Variants in RNF10 observed in about 807,000 individuals in gnomAD.
The protein encoded by RNF10 is E3 ubiquitin-protein ligase RNF10.
A neutral mutation model predicts 91.4 loss-of-function variants in RNF10; 38 were observed. The ratio of observed to expected loss-of-function variants is 0.42; its 90% CI spans 0.32 to 0.54. RNF10 has a LOEUF of 0.54. Ranked by LOEUF, RNF10 falls within the 20% of genes least tolerant of loss-of-function variation. The pLI, the probability that RNF10 is intolerant of heterozygous loss-of-function variation, is 0.16. For synonymous variants in RNF10, 364 were observed against 366.3 expected, an observed-to-expected ratio of 0.99 and a Z score of 0.07; for missense variants, 945 against 1,012.0, an observed-to-expected ratio of 0.93 and a Z score of 0.90.
At chr12:120,574,754 C>T (rs887543491) in intron 14 of RNF10, 5 of 277,226 alleles carry the variant, frequency 1.8e-5, no homozygotes, top group African/African-American at 6.8e-5. Flanking sequence ...GGAGAAACCC[C>T]GTCTTTACTA....
At chr12:120,543,205 T>G (rs1285258831) in intron 1 of RNF10, among the ~76,000 whole-genome samples, 1 of 152,178 alleles carries the variant, frequency 6.6e-6, no homozygotes, top group African/African-American at 2.4e-5. Context: ...TTAAAAAAAA[T>G]TACTCAGATA....
chr12:120,571,487 T>C (rs1276595964), intron 14 of RNF10, among the ~76,000 whole-genome samples, 196 bp downstream of exon 14: 1 of 152,156 alleles, frequency 6.6e-6, no homozygotes, highest in African/African-American at 2.4e-5. Flanking sequence ...GGGCAGATTA[T>C]GTCATGGACG....
At chr12:120,576,387 G>GCTAAT (rs1877397870) in intron 16 of RNF10, among the ~76,000 whole-genome samples, 1 of 152,208 alleles carries the variant, frequency 6.6e-6, no homozygotes, top group African/African-American at 2.4e-5. Flanking sequence ...GTTACAGATG[G>GCTAAT]GGAAACTGAG....
chr12:120,552,040 C>T (rs1461700896), intron 2 of RNF10, among the ~76,000 whole-genome samples: 18 of 144,096 alleles, frequency 1.2e-4, no homozygotes, highest in Non-Finnish European at 1.7e-4. Context: ...GCTGAGGTCG[C>T]GCCACTGCAC....
At position 120,563,420 on chromosome 12, in the gene RNF10, C is replaced by T; in HGVS notation, c.1328C>T (p.Pro443Leu). 1 of 1,614,122 alleles carries T rather than the reference C, an allele frequency of 6.2e-7. No homozygotes were observed. Among genetic ancestry groups the T allele is most frequent in the Non-Finnish European group, 8.5e-7 (1 of 1,180,012 alleles). Residue 443 changes from proline (P) to leucine (L), a missense_variant, in exon 9 of 17, where the codon CCT becomes CTT. Coordinates refer to ENST00000325954, the MANE Select transcript of RNF10 (RefSeq NM_014868.5). The stretch of plus-strand genomic sequence containing the variant: ...TGTTCTCTGGACACTCCTTCTAGAC[C>T]TCTTGCTCTCCCTCTGGTAGAAGAG... Reference protein sequence around the residue: ...EVCSLDTPSRPLALPLVEEEE... With the variant: ...EVCSLDTPSRLLALPLVEEEE...
intron 4 of RNF10, 81 bp from the exon 5 acceptor site, chr12:120,557,199 TGA>T (rs1874177778): frequency 1.7e-6 from 2 of 1,196,106 alleles, no homozygotes; most frequent in South Asian, 2.7e-5. Flanking sequence ...GAGATGCGGA[TGA>T]GAGAGTAGAG....
At chr12:120,552,974 C>A (rs1013905742) in intron 3 of RNF10, among the ~76,000 whole-genome samples, 1 of 148,836 alleles carries the variant, frequency 6.7e-6, no homozygotes. Context: ...CTTGTTTCGG[C>A]CTTTGACCTT....
At chr12:120,557,978 C>G (rs915930473) in intron 6 of RNF10, among the ~76,000 whole-genome samples, 3 of 152,118 alleles carry the variant, frequency 2.0e-5, no homozygotes, top group African/African-American at 7.2e-5. Flanking sequence ...TGCCTGTCGT[C>G]AAGAAACTCA....
intron 11 of RNF10, 56 bp downstream of exon 11, chr12:120,565,245 C>G (rs1317216344): frequency 7.6e-6 from 10 of 1,315,254 alleles, no homozygotes; most frequent in Admixed American, 1.7e-5. Context: ...ATTCTTGTGG[C>G]TAGACACCCA....
intron 10 of RNF10, among the ~76,000 whole-genome samples, 172 bp from the exon 11 acceptor site, chr12:120,564,900 T>A (rs909607874): frequency 2.0e-4 from 31 of 152,258 alleles, no homozygotes; most frequent in Non-Finnish European, 3.2e-4. Context: ...TCCACCTTGC[T>A]GTAGGTTGAC....
In RNF10 at chr12:120,552,555, G is replaced by A. The variant is rs1360279187; in HGVS notation, c.411G>A (p.Lys137=). The part of the protein sequence containing the change: ...FSPAQFSGPK[K]INLNHLLNFT... ...CTGCCCAGTTCTCTGGTCCTAAGAA[G>A]ATCAACCTGAACCACTTGTTGAATT... Residue 137 remains lysine, a synonymous_variant, in exon 3 of 17, where the codon AAG becomes AAA. Coordinates refer to ENST00000325954, the MANE Select transcript of RNF10 (RefSeq NM_014868.5). 10 of 1,614,100 alleles carry A rather than the reference G, an allele frequency of 6.2e-6. No homozygotes were observed. Among genetic ancestry groups the A allele is most frequent in the Non-Finnish European group, 8.5e-6 (10 of 1,180,040 alleles).
intron 7 of RNF10, among the ~76,000 whole-genome samples, chr12:120,561,902 CTCTG>C (rs1447753065): frequency 3.3e-5 from 5 of 152,160 alleles, no homozygotes; most frequent in Non-Finnish European, 5.9e-5. Flanking sequence ...TACTCTGGAC[CTCTG>C]TCTGAGCATA....
At position 120,576,608 on chromosome 12, in the gene RNF10, A is replaced by G. The variant is rs557358257; in HGVS notation, c.2378A>G (p.Lys793Arg). 3.1e-6 allele frequency: 5 copies of G among 1,614,076 alleles called. No individual in the cohort carries two copies. In the South Asian group the frequency reaches 5.5e-5, roughly 18 times the overall value. The change falls in exon 17 of 17, where the codon AAA becomes AGA. Residue 793 changes from lysine (K) to arginine (R), a missense_variant. Coordinates refer to ENST00000325954, the MANE Select transcript of RNF10 (RefSeq NM_014868.5). ...CCTTTAGAAGAGAAAGGAGGAAAGA[A>G]AAGAAAAAAACAGAAACAGAAGCTC... is the stretch of plus-strand genomic sequence containing the variant. The part of the protein sequence containing the change: ...DPLSEEKGGK[K>R]RKKQKQKLLF...
chr12:120,547,133 CA>C (rs775743023), intron 2 of RNF10, among the ~76,000 whole-genome samples: 2 of 151,788 alleles, frequency 1.3e-5, no homozygotes, highest in Non-Finnish European at 2.9e-5. Flanking sequence ...TCATACCATG[CA>C]ATTATGATAG....
At chr12:120,559,814 G>A (rs1449750608) in intron 6 of RNF10, among the ~76,000 whole-genome samples, 1 of 151,744 alleles carries the variant, frequency 6.6e-6, no homozygotes, top group East Asian at 1.9e-4. Flanking sequence ...TCTTACTCCA[G>A]CCTCCCTAGT....
chr12:120,556,567 C>CT (rs1253437502), intron 4 of RNF10, among the ~76,000 whole-genome samples: 1 of 134,808 alleles, frequency 7.4e-6, no homozygotes, highest in Non-Finnish European at 1.6e-5. Flanking sequence ...AGCTTGAACT[C>CT]TCACTACTGT....
intron 6 of RNF10, 40 bp downstream of exon 6, chr12:120,557,722 C>G: frequency 6.2e-7 from 1 of 1,607,358 alleles, no homozygotes; most frequent in Non-Finnish European, 8.5e-7. Context: ...ATCCTGGGTA[C>G]ATTCTTTAAG....
chr12:120,561,879 A>T (rs1259912641), intron 7 of RNF10, among the ~76,000 whole-genome samples: 1 of 152,206 alleles, frequency 6.6e-6, no homozygotes, highest in African/African-American at 2.4e-5. Flanking sequence ...GGAGTTAGCT[A>T]AATCCTTCCT....
At chr12:120,548,059 A>G (rs146484374) in intron 2 of RNF10, among the ~76,000 whole-genome samples, 1 of 152,338 alleles carries the variant, frequency 6.6e-6, no homozygotes, top group Non-Finnish European at 1.5e-5. Context: ...GCATAAGCCC[A>G]ATTCAGGTAC....
Sources: gnomAD v4.1 joint callset for allele counts (sites outside exome capture counted in the v4.1 genomes callset) on GRCh38, gnomAD v4.1.1 for gene constraint, MANE v1.5 for transcripts, NCBI Gene and HGNC (gene_info 2026-07-23, HGNC 2026-07-21) for gene names.